The following THEMIS variants were observed in gnomAD, a reference collection of about 807,000 sequenced individuals.
THEMIS encodes protein THEMIS.
In THEMIS, 37 loss-of-function variants were observed where a neutral mutation model predicts 52.6. The observed-to-expected ratio is 0.70, with a 90% CI of 0.54 to 0.93. The LOEUF (loss-of-function observed/expected upper bound fraction) is 0.93. THEMIS is among the 40% of genes least tolerant of loss of function. THEMIS has a pLI of 0.00. For missense variants in THEMIS, 808 were observed against 763.1 expected, an observed-to-expected ratio of 1.06 and a Z score of -0.69; for synonymous variants, 292 against 272.7, an observed-to-expected ratio of 1.07 and a Z score of -0.70.
chr6:127,796,703 A>G (rs1777340499), intron 4 of THEMIS, among the ~76,000 whole-genome samples: 1 of 152,192 alleles, frequency 6.6e-6, no homozygotes, highest in South Asian at 2.1e-4. Flanking sequence ...ACGTACACAG[A>G]AACACTAATA....
chr6:127,811,443 T>C (rs1262347027), intron 4 of THEMIS, among the ~76,000 whole-genome samples: 2 of 152,198 alleles, frequency 1.3e-5, no homozygotes, highest in Non-Finnish European at 1.5e-5. Context: ...TGACCATTCT[T>C]ACATAGTTAC....
At chr6:127,763,915 T>C (rs918921129) in intron 4 of THEMIS, among the ~76,000 whole-genome samples, 9 of 151,926 alleles carry the variant, frequency 5.9e-5, no homozygotes, top group Admixed American at 3.3e-4. Flanking sequence ...TTTAATTACA[T>C]ATATGACTCA....
At chr6:127,909,199 A>C (rs1781350533) in intron 1 of THEMIS, among the ~76,000 whole-genome samples, 1 of 152,128 alleles carries the variant, frequency 6.6e-6, no homozygotes, top group Non-Finnish European at 1.5e-5. Flanking sequence ...TGTATACATG[A>C]AACTGTGAGT....
intron 2 of THEMIS, among the ~76,000 whole-genome samples, chr6:127,850,512 T>C (rs1422234305): frequency 2.0e-5 from 3 of 151,810 alleles, no homozygotes; most frequent in Non-Finnish European, 4.4e-5. Context: ...AACAAATGGA[T>C]TAAAAAATGT....
At chr6:127,890,426 C>G (rs1477095057) in intron 1 of THEMIS, among the ~76,000 whole-genome samples, 1 of 151,878 alleles carries the variant, frequency 6.6e-6, no homozygotes, top group Non-Finnish European at 1.5e-5. Flanking sequence ...TTACCAGAGG[C>G]TAGAAAGGGT....
At chr6:127,901,085 T>C (rs536133019), upstream of THEMIS, 278 of 640,586 alleles carry the variant, frequency 4.3e-4, no homozygotes, top group Middle Eastern at 6.5e-3. Context: ...AGTAGCTCTA[T>C]GTGGGGAGGA....
At chr6:127,706,711 G>A (rs1053569346), downstream of THEMIS, among the ~76,000 whole-genome samples, 1 of 151,964 alleles carries the variant, frequency 6.6e-6, no homozygotes, top group African/African-American at 2.4e-5. Flanking sequence ...TAAGAGTTGA[G>A]GTTACAGTTT....
chr6:127,826,602 A>T (rs1295166013), intron 3 of THEMIS, among the ~76,000 whole-genome samples: 2 of 152,212 alleles, frequency 1.3e-5, no homozygotes, highest in Non-Finnish European at 2.9e-5. Context: ...TCTATATGTC[A>T]AAACATGACA....
intron 4 of THEMIS, among the ~76,000 whole-genome samples, chr6:127,810,039 T>A (rs1777848178): frequency 1.3e-5 from 2 of 151,990 alleles, no homozygotes; most frequent in East Asian, 1.9e-4. Flanking sequence ...TAGGAATTAT[T>A]AAGTATCTGG....
chr6:127,843,691 T>C (rs779645460), intron 2 of THEMIS, among the ~76,000 whole-genome samples: 2 of 151,944 alleles, frequency 1.3e-5, no homozygotes, highest in Non-Finnish European at 2.9e-5. Flanking sequence ...CCCTCCCAGA[T>C]TGCACTAGCA....
chr6:127,730,318 G>GAAAAGAAAAGAAAAGAA (rs1456074763), intron 4 of THEMIS, among the ~76,000 whole-genome samples: 12,159 of 116,874 alleles, frequency 0.1, 1,330 homozygotes, highest in Non-Finnish European at 0.14. Flanking sequence ...AAAGAAAAGA[G>GAAAAGAAAAGAAAAGAA]AAAAAAAGAA....
chr6:127,845,295 G>A (rs1181050629), intron 2 of THEMIS, among the ~76,000 whole-genome samples: 1 of 151,896 alleles, frequency 6.6e-6, no homozygotes, highest in Non-Finnish European at 1.5e-5. Context: ...GGATAAATTT[G>A]AGGATATATG....
At chr6:127,789,713 G>C (rs1242535793) in intron 4 of THEMIS, among the ~76,000 whole-genome samples, 2 of 152,146 alleles carry the variant, frequency 1.3e-5, no homozygotes, top group African/African-American at 4.8e-5. Context: ...ATGCAAGGCT[G>C]GTTCAACACA....
At position 127,719,975 on chromosome 6, in the gene THEMIS, A is replaced by G; in HGVS notation, c.1759-152T>C. ...AGCTACAAATTATATGTTCATCAAT[A>G]TATTTTGGAAACTGAGGTGTACAAT... is the stretch of plus-strand genomic sequence containing the variant. On this transcript the variant is annotated intron_variant, in intron 4 of 5. Coordinates refer to ENST00000368248, the MANE Select transcript of THEMIS (RefSeq NM_001010923.3). 4 of 1,025,446 alleles carry G rather than the reference A, an allele frequency of 3.9e-6. No homozygotes were observed. In the East Asian group the frequency reaches 1.1e-4, roughly 28 times the overall value. 63.5% of individuals were successfully genotyped at this position (1,025,446 alleles called of 1,614,324 possible).
chr6:127,863,716 A>G (rs2114346894), intron 1 of THEMIS, among the ~76,000 whole-genome samples: 1 of 152,262 alleles, frequency 6.6e-6, no homozygotes, highest in East Asian at 1.9e-4. Context: ...CTGCTTCTCA[A>G]AAATATGTGT....
At chr6:127,846,253 T>C (rs937815056) in intron 2 of THEMIS, among the ~76,000 whole-genome samples, 1 of 151,892 alleles carries the variant, frequency 6.6e-6, no homozygotes, top group Non-Finnish European at 1.5e-5. Context: ...GGAAACAATT[T>C]GATTATACAA....
intron 4 of THEMIS, among the ~76,000 whole-genome samples, chr6:127,787,443 G>A (rs1023063611): frequency 6.6e-6 from 1 of 152,090 alleles, no homozygotes; most frequent in Non-Finnish European, 1.5e-5. Context: ...CTGCACCCAT[G>A]TCACCATGTT....
intron 1 of THEMIS, among the ~76,000 whole-genome samples, chr6:127,876,872 G>T (rs542865399): frequency 6.6e-6 from 1 of 152,190 alleles, no homozygotes; most frequent in East Asian, 1.9e-4. Context: ...AAATACTTCA[G>T]CTAGATAATG....
At chr6:127,814,307 T>A (rs1293451183) in intron 3 of THEMIS, among the ~76,000 whole-genome samples, 1 of 152,186 alleles carries the variant, frequency 6.6e-6, no homozygotes, top group Non-Finnish European at 1.5e-5. Flanking sequence ...TATAGATATG[T>A]GTGTGAATAT....
Sources: allele counts gnomAD v4.1 joint callset (sites outside exome capture counted in the v4.1 genomes callset), GRCh38; gene constraint gnomAD v4.1.1; transcripts MANE v1.5; gene names NCBI Gene and HGNC (gene_info 2026-07-23, HGNC 2026-07-21).